The following SEMA6D variants were observed in gnomAD, a reference collection of about 807,000 sequenced individuals.
SEMA6D encodes semaphorin-6D.
A neutral mutation model predicts 106.6 loss-of-function variants in SEMA6D; 35 were observed. That is an observed-to-expected ratio of 0.33 (90% CI 0.25 to 0.44). The LOEUF is 0.44. Among genes scored for constraint, SEMA6D ranks in the 20% least tolerant of loss-of-function variants. The pLI is 1.00. For synonymous variants in SEMA6D, 499 were observed against 487.7 expected, an observed-to-expected ratio of 1.02 and a Z score of -0.31; for missense variants, 1,185 against 1,345.9, an observed-to-expected ratio of 0.88 and a Z score of 1.87.
chr15:47,541,838 T>C (rs911657126), intron 3 of SEMA6D, among the ~76,000 whole-genome samples: 13 of 151,538 alleles, frequency 8.6e-5, no homozygotes, highest in African/African-American at 3.2e-4. Context: ...TCTTGGTAGA[T>C]TCAGAGCTGT....
At chr15:47,188,426 A>G (rs1239396444) in intron 1 of SEMA6D, among the ~76,000 whole-genome samples, 3 of 152,202 alleles carry the variant, frequency 2.0e-5, no homozygotes, top group Admixed American at 2.0e-4. Flanking sequence ...CATTTGTGAA[A>G]TGAGGAGATA....
intron 3 of SEMA6D, among the ~76,000 whole-genome samples, chr15:47,518,614 A>T (rs1054214277): frequency 6.6e-6 from 1 of 152,210 alleles, no homozygotes; most frequent in African/African-American, 2.4e-5. Context: ...ATACCTAAAC[A>T]TGGAAAAGGT....
intron 1 of SEMA6D, among the ~76,000 whole-genome samples, chr15:47,259,999 T>G (rs1361626612): frequency 7.3e-5 from 11 of 150,848 alleles, no homozygotes; most frequent in Non-Finnish European, 7.4e-5. Flanking sequence ...TTTAGCATGT[T>G]TTTTTTTTTC....
intron 3 of SEMA6D, among the ~76,000 whole-genome samples, chr15:47,531,833 G>A (rs145672858): frequency 1.1e-4 from 17 of 152,296 alleles, no homozygotes; most frequent in African/African-American, 4.1e-4. Context: ...CCAATTAGAG[G>A]TCATGTTGTT....
chr15:47,438,470 C>A (rs761545149), intron 2 of SEMA6D, among the ~76,000 whole-genome samples: 2 of 152,110 alleles, frequency 1.3e-5, no homozygotes, highest in Non-Finnish European at 2.9e-5. Context: ...TAACAGCCCA[C>A]TTTATCCTAT....
chr15:47,218,175 A>T (rs901927754), intron 1 of SEMA6D, among the ~76,000 whole-genome samples: 2 of 152,148 alleles, frequency 1.3e-5, no homozygotes, highest in Non-Finnish European at 2.9e-5. Flanking sequence ...TGTTTCAGAG[A>T]TGCTGTAAGA....
At chr15:47,245,944 G>C (rs1014650120) in intron 1 of SEMA6D, among the ~76,000 whole-genome samples, 2 of 152,244 alleles carry the variant, frequency 1.3e-5, no homozygotes, top group South Asian at 2.1e-4. Context: ...TCATAAACAT[G>C]CTTCGTGGGA....
chr15:47,460,937 G>T (rs559004931), intron 2 of SEMA6D, among the ~76,000 whole-genome samples: 62 of 152,198 alleles, frequency 4.1e-4, no homozygotes, highest in African/African-American at 1.5e-3. Context: ...CAGGCATGCT[G>T]GGTCCTGTCT....
chr15:47,251,061 C>A (rs1309486663), intron 1 of SEMA6D, among the ~76,000 whole-genome samples: 8 of 152,114 alleles, frequency 5.3e-5, no homozygotes, highest in Non-Finnish European at 1.2e-4. Flanking sequence ...GAGAGCAGCT[C>A]CCAGAGGTAG....
chr15:47,235,172 C>G (rs1287381316), intron 1 of SEMA6D, among the ~76,000 whole-genome samples: 2 of 151,984 alleles, frequency 1.3e-5, no homozygotes, highest in Admixed American at 1.3e-4. Context: ...AATTTTCCCA[C>G]TTTTTATGGG....
At chr15:47,645,188 T>C (rs1022745305) in intron 4 of SEMA6D, among the ~76,000 whole-genome samples, 2 of 152,186 alleles carry the variant, frequency 1.3e-5, no homozygotes, top group African/African-American at 4.8e-5. Flanking sequence ...AAGTTTGGCC[T>C]AATTATGTGA....
chr15:47,638,041 CTTATTTAAAATTTG>C (rs1011413601), intron 4 of SEMA6D, among the ~76,000 whole-genome samples: 1 of 152,080 alleles, frequency 6.6e-6, no homozygotes, highest in Non-Finnish European at 1.5e-5. Context: ...AGGGAAAAAA[CTTATTTAAAATTTG>C]GTGCAGTAAC....
intron 17 of SEMA6D, among the ~76,000 whole-genome samples, chr15:47,768,182 T>G (rs1382624169): frequency 6.6e-6 from 1 of 152,198 alleles, no homozygotes; most frequent in African/African-American, 2.4e-5. Flanking sequence ...CAGTAAAGCC[T>G]ATAGATTTTC....
intron 1 of SEMA6D, among the ~76,000 whole-genome samples, chr15:47,724,965 C>T (rs1373765867): frequency 6.6e-6 from 1 of 152,230 alleles, no homozygotes; most frequent in East Asian, 1.9e-4. Context: ...CACCAAGTTC[C>T]TCTCATAGAG....
At chr15:47,490,351 T>A (rs1567116490) in intron 3 of SEMA6D, among the ~76,000 whole-genome samples, 1 of 152,088 alleles carries the variant, frequency 6.6e-6, no homozygotes, top group Non-Finnish European at 1.5e-5. Flanking sequence ...AAAAGACACT[T>A]TGAAGAAATT....
At chr15:47,434,389 G>A (rs1182658705) in intron 2 of SEMA6D, among the ~76,000 whole-genome samples, 3 of 152,070 alleles carry the variant, frequency 2.0e-5, no homozygotes, top group African/African-American at 7.2e-5. Flanking sequence ...AATTGAAGCG[G>A]AGGGAGGAGG....
intron 4 of SEMA6D, among the ~76,000 whole-genome samples, chr15:47,629,276 C>A (rs1450234029): frequency 2.0e-5 from 3 of 151,830 alleles, no homozygotes; most frequent in Non-Finnish European, 4.4e-5. Flanking sequence ...CATTTTCATG[C>A]AAATTTTAGA....
intron 1 of SEMA6D, among the ~76,000 whole-genome samples, chr15:47,212,985 C>A: frequency 6.6e-6 from 1 of 152,160 alleles, no homozygotes; most frequent in Non-Finnish European, 1.5e-5. Flanking sequence ...CTCATATATT[C>A]TTCCTTTCCC....
At chr15:47,680,817 G>T (rs2078337139) in intron 4 of SEMA6D, among the ~76,000 whole-genome samples, 1 of 152,140 alleles carries the variant, frequency 6.6e-6, no homozygotes, top group Non-Finnish European at 1.5e-5. Context: ...ACATACAAAT[G>T]ACCAACAGGT....
Sources: allele counts gnomAD v4.1 joint callset (sites outside exome capture counted in the v4.1 genomes callset), GRCh38; gene constraint gnomAD v4.1.1; transcripts MANE v1.5; gene names NCBI Gene and HGNC (gene_info 2026-07-23, HGNC 2026-07-21).